PTPRC: variants seen among roughly 807,000 people sequenced by gnomAD.
PTPRC encodes receptor-type tyrosine-protein phosphatase C.
PTPRC carries 44 observed loss-of-function variants against 155.9 expected under a neutral mutation model. That is an observed-to-expected ratio of 0.28 (90% CI 0.22 to 0.36). The LOEUF is 0.36. Among genes scored for constraint, PTPRC ranks in the 10% least tolerant of loss-of-function variants. The probability of loss-of-function intolerance (pLI) is 1.00; values close to 1 mark genes in which losing one functional copy is unlikely to be tolerated. For synonymous variants in PTPRC, 525 were observed against 533.1 expected, an observed-to-expected ratio of 0.98 and a Z score of 0.21; for missense variants, 1,401 against 1,564.6, an observed-to-expected ratio of 0.90 and a Z score of 1.76.
chr1:198,657,398 A>G (rs16843622), intron 2 of PTPRC, among the ~76,000 whole-genome samples: 3,599 of 152,188 alleles, frequency 0.024, 150 homozygotes, highest in African/African-American at 0.08. Context: ...CTAAGCTAAG[A>G]AAGGATGTCA....
intron 3 of PTPRC, among the ~76,000 whole-genome samples, chr1:198,693,616 C>T (rs915240334): frequency 1.3e-5 from 2 of 152,066 alleles, no homozygotes; most frequent in Admixed American, 6.5e-5. Context: ...AAACTGTTAA[C>T]CAAAATGCAA....
intron 3 of PTPRC, chr1:198,692,913 A>G (rs1666006602): frequency 1.1e-6 from 1 of 907,596 alleles, no homozygotes; most frequent in African/African-American, 1.8e-5. Context: ...ATCATGAGAT[A>G]AATTTAAAAC....
At chr1:198,707,536 AT>A in intron 9 of PTPRC, among the ~76,000 whole-genome samples, 1 of 152,060 alleles carries the variant, frequency 6.6e-6, no homozygotes, top group East Asian at 1.9e-4. Flanking sequence ...GAGCCGTGTA[AT>A]TTTTTTAAAA....
rs1655662045 is a variant in PTPRC at position 198,756,350 on chromosome 1, C to T, written c.*169C>T. The T allele has an allele frequency of 1.1e-6, 1 of 926,974 alleles. No homozygotes were observed. The highest frequency in any genetic ancestry group is 1.7e-5 in the South Asian group (1 of 58,900). The allele number at this position is 926,974 out of a possible 1,614,324, so 57.4% of individuals were successfully genotyped here. A position where few individuals can be genotyped will look rare whatever the true frequency, so the allele number is the denominator to read the frequency against. The stretch of plus-strand genomic sequence containing the variant: ...TGGAAAAATATTTAAGATAGTTTTG[C>T]CAGAACAGTTTGTACAGACGTATGC... On this transcript the variant is annotated 3_prime_UTR_variant, in exon 33 of 33. Coordinates refer to ENST00000442510, the MANE Select transcript of PTPRC (RefSeq NM_002838.5).
rs779904689 is a variant in PTPRC, at chr1:198,703,314, C to G, written c.600C>G (p.Ala200=). ...TANTSDAYLN[A]SETTTLSPSG... is the part of the protein sequence containing the mutation. ...TTCTTGCAGATGCCTACCTTAATGCCTCTGAAACAACCACTCTGAGCCCTT... is the reference window on the plus strand; with the variant it reads ...TTCTTGCAGATGCCTACCTTAATGCGTCTGAAACAACCACTCTGAGCCCTT... The change falls in exon 7 of 33, where the codon GCC becomes GCG. Residue 200 remains alanine, a synonymous_variant. Transcript: ENST00000442510. The G allele has an allele frequency of 8.7e-6, 14 of 1,613,054 alleles. No individual in the cohort carries two copies. The highest frequency in any genetic ancestry group is 2.2e-5 in the East Asian group (1 of 44,894).
intron 2 of PTPRC, chr1:198,679,260 G>A (rs367952652): frequency 6.6e-6 from 1 of 150,626 alleles, no homozygotes; most frequent in South Asian, 2.0e-4. Flanking sequence ...TTGAGACGGA[G>A]TCTCGCCTTG....
chr1:198,705,527 T>A (rs1305029294), intron 8 of PTPRC, among the ~76,000 whole-genome samples: 1 of 151,670 alleles, frequency 6.6e-6, no homozygotes, highest in Non-Finnish European at 1.5e-5. Context: ...TTCAAGTGAT[T>A]CTCCTGCCTC....
intron 2 of PTPRC, among the ~76,000 whole-genome samples, chr1:198,644,700 T>C (rs1292665459): frequency 1.3e-5 from 2 of 151,768 alleles, no homozygotes; most frequent in African/African-American, 4.8e-5. Context: ...TCAATATTAG[T>C]GAAGTAAACA....
chr1:198,680,414 C>T (rs1185019512), intron 2 of PTPRC, among the ~76,000 whole-genome samples: 3 of 149,542 alleles, frequency 2.0e-5, no homozygotes, highest in African/African-American at 7.4e-5. Flanking sequence ...GATAGTGCCA[C>T]GGCACTCCAG....
chr1:198,752,437 A>T (rs1046693805), intron 30 of PTPRC, 66 bp downstream of exon 30: 5 of 1,586,428 alleles, frequency 3.2e-6, no homozygotes, highest in Non-Finnish European at 4.3e-6. Flanking sequence ...ATGAATATAA[A>T]TTACTCTATG....
chr1:198,681,968 A>G (rs75614501), intron 2 of PTPRC, among the ~76,000 whole-genome samples: 3 of 152,316 alleles, frequency 2.0e-5, no homozygotes, highest in East Asian at 1.9e-4. Context: ...ATGGCAACCT[A>G]TTGCACCATT....
intron 17 of PTPRC, among the ~76,000 whole-genome samples, chr1:198,729,815 T>C (rs1017001897): frequency 6.6e-6 from 1 of 152,062 alleles, no homozygotes; most frequent in Admixed American, 6.6e-5. Flanking sequence ...TCTATAGATA[T>C]ATGGAAGATA....
intron 7 of PTPRC, 110 bp downstream of exon 7, chr1:198,703,482 T>C (rs1040341546): frequency 1.3e-6 from 2 of 1,557,674 alleles, no homozygotes; most frequent in Non-Finnish European, 1.8e-6. Context: ...TAAGTTGCAT[T>C]AAGTGTTTGA....
At chr1:198,679,136 A>G (rs1191588293) in intron 2 of PTPRC, 1 of 208,242 alleles carries the variant, frequency 4.8e-6, no homozygotes, top group Non-Finnish European at 1.0e-5. Context: ...GCTGCCCCCT[A>G]CTTCCCAGAC....
At chr1:198,740,506 T>C (rs951051750) in intron 23 of PTPRC, among the ~76,000 whole-genome samples, 4 of 151,718 alleles carry the variant, frequency 2.6e-5, no homozygotes, top group Admixed American at 2.6e-4. Context: ...CACTTGAACC[T>C]GGGAAGCCGA....
At chr1:198,754,825 A>C (rs766984553) in intron 32 of PTPRC, among the ~76,000 whole-genome samples, 1 of 152,256 alleles carries the variant, frequency 6.6e-6, no homozygotes, top group Middle Eastern at 3.4e-3. Flanking sequence ...AGGCTCAGGC[A>C]ATAGAGACCA....
At chr1:198,652,225 T>G (rs1400768335) in intron 2 of PTPRC, among the ~76,000 whole-genome samples, 1 of 151,690 alleles carries the variant, frequency 6.6e-6, no homozygotes, top group African/African-American at 2.4e-5. Context: ...CATGTAGATA[T>G]AAAGCCGCAG....
At chr1:198,683,124 A>AT (rs1665432346) in intron 2 of PTPRC, among the ~76,000 whole-genome samples, 1 of 152,112 alleles carries the variant, frequency 6.6e-6, no homozygotes, top group African/African-American at 2.4e-5. Flanking sequence ...CGTTTTTATG[A>AT]TTTTGAGCTT....
intron 2 of PTPRC, among the ~76,000 whole-genome samples, chr1:198,676,712 A>G: frequency 6.6e-6 from 1 of 152,152 alleles, no homozygotes; most frequent in East Asian, 1.9e-4. Context: ...CATTTCTTTA[A>G]ATTCCTCCAA....
Sources: gnomAD v4.1 joint callset for allele counts (sites outside exome capture counted in the v4.1 genomes callset) on GRCh38, gnomAD v4.1.1 for gene constraint, MANE v1.5 for transcripts, NCBI Gene and HGNC (gene_info 2026-07-23, HGNC 2026-07-21) for gene names.